Variants in SIVA1 observed in about 807,000 individuals in gnomAD.
SIVA1 encodes the protein apoptosis regulatory protein Siva.
In SIVA1, 10 loss-of-function variants were observed where a neutral mutation model predicts 19.7. That is an observed-to-expected ratio of 0.51 (90% CI 0.31 to 0.86). The LOEUF (loss-of-function observed/expected upper bound fraction) is 0.86. Ranked by LOEUF, SIVA1 falls within the 40% of genes least tolerant of loss-of-function variation. The probability of loss-of-function intolerance (pLI) is 0.04; values close to 1 mark genes in which losing one functional copy is unlikely to be tolerated. For missense variants in SIVA1, 241 were observed against 245.2 expected (o/e 0.98, Z 0.11); for synonymous variants, 130 against 106.1 (o/e 1.23, Z -1.39).
intron 3 of SIVA1, chr14:104,758,531 C>T (rs1462403875): frequency 6.7e-6 from 1 of 150,358 alleles, no homozygotes; most frequent in African/African-American, 2.5e-5. Context: ...GCTCTGTCAC[C>T]CAGGCTGGAG....
At chr14:104,755,493 A>G in intron 1 of SIVA1, 137 bp from the exon 2 acceptor site, 1 of 777,148 alleles carries the variant, frequency 1.3e-6, no homozygotes, top group Non-Finnish European at 2.2e-6. Flanking sequence ...AGGGCACAAC[A>G]CAGGCTGGGG....
chr14:104,759,461 C>T lies in SIVA1; in HGVS notation c.504C>T (p.Thr168=). The T allele has an allele frequency of 6.2e-7, 1 of 1,612,524 alleles. No homozygotes were observed. The highest frequency in any genetic ancestry group is 8.5e-7 in the Non-Finnish European group (1 of 1,179,902). ...CSDMYEKVLC[T]SCAMFET The stretch of plus-strand genomic sequence containing the variant: ...ACATGTACGAGAAAGTGCTGTGCAC[C>T]AGCTGTGCCATGTTCGAGACCTGAG... The change falls in exon 4 of 4, where the codon ACC becomes ACT. Residue 168 remains threonine (T), a synonymous_variant. Coordinates refer to ENST00000329967, the MANE Select transcript of SIVA1 (RefSeq NM_006427.4). The surrounding 1 kb of genome is among the most constrained non-coding windows in gnomAD (Gnocchi z 4.2).
intron 1 of SIVA1, 67 bp downstream of exon 1, chr14:104,753,386 C>T (rs1291428830): frequency 7.2e-5 from 79 of 1,102,492 alleles, no homozygotes; most frequent in South Asian, 7.3e-5. Flanking sequence ...GCCTCAGCGT[C>T]CCCTCTGAGG....
In SIVA1 at chr14:104,759,423, C is replaced by G. The variant is rs779844712; in HGVS notation, c.471-5C>G. ...TTTTCTCTCCCCTCCCTGACGCTGT[C>G]GCAGCTGCAGTGACATGTACGAGAA... On this transcript the variant is annotated splice_polypyrimidine_tract_variant and splice_region_variant and intron_variant, in intron 3 of 3. Coordinates refer to ENST00000329967, the MANE Select transcript of SIVA1 (RefSeq NM_006427.4). The surrounding 1 kb of genome is among the most constrained non-coding windows in gnomAD (Gnocchi z 4.2). 9.3e-6 allele frequency: 15 copies of G among 1,612,684 alleles called. No individual in the cohort carries two copies. Among genetic ancestry groups the G allele is most frequent in the African/African-American group, 1.3e-5 (1 of 74,872 alleles).
intron 1 of SIVA1, among the ~76,000 whole-genome samples, chr14:104,754,932 G>C (rs1891835175): frequency 6.6e-6 from 1 of 152,160 alleles, no homozygotes; most frequent in Non-Finnish European, 1.5e-5. Flanking sequence ...TTATGGTGAG[G>C]TGCAAAACAA....
intron 1 of SIVA1, 65 bp downstream of exon 1, chr14:104,753,384 GTCCCCT>G: frequency 8.7e-7 from 1 of 1,154,346 alleles, no homozygotes; most frequent in African/African-American, 1.6e-5. Flanking sequence ...GGGCCTCAGC[GTCCCCT>G]CTGAGGCCTG....
rs779728333 is a variant in SIVA1 at position 104,756,612 on chromosome 14, G to T, written c.322G>T (p.Gly108Trp). The T allele has an allele frequency of 6.2e-7, 1 of 1,614,168 alleles. No individual in the cohort carries two copies. Among genetic ancestry groups the T allele is most frequent in the South Asian group, 1.1e-5 (1 of 91,088 alleles). ...GCGTTTCTTCCTCACAGACCCATCT[G>T]GGGTAGCGTCCATTGCCTGTTCCTC... ...LGQASEADPS[G>W]VASIACSSCV... Residue 108 changes from glycine to tryptophan, a missense_variant, in exon 3 of 4, where the codon GGG (glycine) becomes TGG (tryptophan). Physicochemically the swap from Gly to Trp is radical, Grantham distance 184. Coordinates refer to ENST00000329967, the MANE Select transcript of SIVA1 (RefSeq NM_006427.4).
At position 104,756,708 on chromosome 14, in the gene SIVA1, C is replaced by T. The variant is rs1891902735; in HGVS notation, c.418C>T (p.Arg140Cys). The T allele has an allele frequency of 3.7e-6, 6 of 1,614,052 alleles. No individual in the cohort carries two copies. The highest frequency in any genetic ancestry group is 1.1e-5 in the South Asian group (1 of 91,072). ...CERALCGQCV[R>C]TCWGCGSVAC... ...GCGAGCCCTGTGCGGGCAGTGTGTG[C>T]GCACCTGCTGGGGCTGCGGCTCCGT... The change falls in exon 3 of 4, where the codon CGC (arginine) becomes TGC (cysteine). Residue 140 changes from arginine to cysteine, a missense_variant. Arg to Cys is a radical substitution (Grantham distance 180). Coordinates refer to ENST00000329967, the MANE Select transcript of SIVA1 (RefSeq NM_006427.4).
chr14:104,755,856 G>A lies in SIVA1; in HGVS notation c.313+32G>A, dbSNP rs766676378. Reference sequence around the variant, plus strand: ...GGCACCAGCAGCCCTTTGTGGCTGTGGCACTGAGGGCAGGTGGTGGCACGA... The same window carrying A: ...GGCACCAGCAGCCCTTTGTGGCTGTAGCACTGAGGGCAGGTGGTGGCACGA... On this transcript the variant is annotated intron_variant, in intron 2 of 3. Transcript: ENST00000329967. The A allele has an allele frequency of 5.0e-5, 79 of 1,590,844 alleles. No individual in the cohort carries two copies. The South Asian group carries it at 7.9e-4, about 16-fold the overall frequency.
rs1490238642 is a variant in SIVA1 at position 104,753,218 on chromosome 14, G to GC, written c.21dup (p.Phe8LeufsTer53). 1.3e-6 allele frequency: 2 copies of GC among 1,578,604 alleles called. No homozygotes were observed. The highest frequency in any genetic ancestry group is 2.7e-5 in the African/African-American group (2 of 72,846). On this transcript the variant is annotated frameshift_variant, in exon 1 of 4. Coordinates refer to ENST00000329967, the MANE Select transcript of SIVA1 (RefSeq NM_006427.4). LOFTEE classifies it high-confidence loss of function. ...CCCGCGGCCATGCCCAAGCGGAGCT[G>GC]CCCCTTCGCGGACGTGGCCCCGCTA...
In SIVA1 at chr14:104,755,652, C is replaced by G; in HGVS notation, c.141C>G (p.Phe47Leu). The change falls in exon 2 of 4, where the codon TTC (phenylalanine) becomes TTG (leucine). Residue 47 changes from phenylalanine to leucine, a missense_variant. Phe to Leu is a conservative substitution (Grantham distance 22). Transcript: ENST00000329967. ...CAGAGAAGACCAAGCGACTCCTGTT[C>G]CTCGGGGCCCAGGCCTACCTGGACC... is the stretch of plus-strand genomic sequence containing the variant. ...EVFEKTKRLL[F>L]LGAQAYLDHV... 5 of 1,613,036 alleles carry G rather than the reference C, an allele frequency of 3.1e-6. No individual in the cohort carries two copies. The highest frequency in any genetic ancestry group is 4.2e-6 in the Non-Finnish European group (5 of 1,179,818).
At position 104,753,252 on chromosome 14, in the gene SIVA1, G is replaced by A; in HGVS notation, c.51G>A (p.Lys17=). The A allele has an allele frequency of 1.9e-6, 3 of 1,598,572 alleles. No homozygotes were observed. The highest frequency in any genetic ancestry group is 2.6e-6 in the Non-Finnish European group (3 of 1,174,738). ...PFADVAPLQL[K]VRVSQRELSR... is the part of the protein sequence containing the mutation. ...CGGACGTGGCCCCGCTACAGCTCAA[G>A]GTCCGCGTGAGCCAGAGGGAGTTGA... Residue 17 remains lysine, a synonymous_variant, in exon 1 of 4, where the codon AAG becomes AAA. Transcript: ENST00000329967.
Position 104,759,556 on chromosome 14 carries a change from G to A in SIVA1, c.*71G>A, listed in dbSNP as rs943253471. The A allele has an allele frequency of 6.0e-6, 8 of 1,324,680 alleles. No individual in the cohort carries two copies. The East Asian group carries it at 7.0e-5, about 12-fold the overall frequency. The allele number at this position is 1,324,680 out of a possible 1,614,324, so 82.1% of individuals were successfully genotyped here. ...GGCAGCCTTCCCTGGACGAGCGCTC[G>A]GTGTTCACACTGAACTGTGGGGTCG... On this transcript the variant is annotated 3_prime_UTR_variant, in exon 4 of 4. Transcript: ENST00000329967. This position sits in a 1 kb window ranked among gnomAD's most constrained non-coding sequence, Gnocchi z 4.2.
rs1052601387 is a variant in SIVA1 at position 104,753,156 on chromosome 14, A to G, written c.-46A>G. 2 of 1,279,648 alleles carry G rather than the reference A, an allele frequency of 1.6e-6. No individual in the cohort carries two copies. The highest frequency in any genetic ancestry group is 2.0e-5 in the Admixed American group (1 of 50,254). The allele number at this position is 1,279,648 out of a possible 1,614,324, so 79.3% of individuals were successfully genotyped here. A position where few individuals can be genotyped will look rare whatever the true frequency, so the allele number is the denominator to read the frequency against. On this transcript the variant is annotated 5_prime_UTR_variant, in exon 1 of 4. Transcript: ENST00000329967. ...GCTGTGACGTCACGGCGTCGTTGGTAAGGGGCTGGCGGCCGGGGAGCTGCG... is the reference window on the plus strand; with the variant it reads ...GCTGTGACGTCACGGCGTCGTTGGTGAGGGGCTGGCGGCCGGGGAGCTGCG...
Position 104,753,230 on chromosome 14 carries a change from A to G in SIVA1, c.29A>G (p.Asp10Gly). 6.3e-7 allele frequency: 1 copy of G among 1,585,798 alleles called. No individual in the cohort carries two copies. The highest frequency in any genetic ancestry group is 8.6e-7 in the Non-Finnish European group (1 of 1,168,782). Residue 10 changes from aspartate (D) to glycine (G), a missense_variant, in exon 1 of 4, where the codon GAC (aspartate) becomes GGC (glycine). Asp to Gly is a moderately conservative substitution (Grantham distance 94). Transcript: ENST00000329967. MPKRSCPFA[D>G]VAPLQLKVRV... is the part of the protein sequence containing the mutation. ...CCCAAGCGGAGCTGCCCCTTCGCGG[A>G]CGTGGCCCCGCTACAGCTCAAGGTC...
chr14:104,756,863 GC>G lies in SIVA1; in HGVS notation c.470+107del, dbSNP rs1324023737. The G allele has an allele frequency of 3.3e-6, 4 of 1,198,898 alleles. No homozygotes were observed. The African/African-American group carries it at 6.2e-5, about 19-fold the overall frequency. The allele number at this position is 1,198,898 out of a possible 1,614,324, so 74.3% of individuals were successfully genotyped here. On this transcript the variant is annotated intron_variant, in intron 3 of 3. Transcript: ENST00000329967. The stretch of plus-strand genomic sequence containing the variant: ...TGTGGGCCCAGAACACACACGTGTG[GC>G]CCCTGATGCAGTGCCATCTGGCATT...
chr14:104,754,808 G>A (rs1432811502), intron 1 of SIVA1, among the ~76,000 whole-genome samples: 5 of 152,226 alleles, frequency 3.3e-5, no homozygotes, highest in Non-Finnish European at 5.9e-5. Flanking sequence ...GGAGGAAGGT[G>A]CAGGGTGTTG....
intron 1 of SIVA1, 86 bp downstream of exon 1, chr14:104,753,405 G>C: frequency 1.1e-6 from 1 of 873,450 alleles, no homozygotes; most frequent in East Asian, 2.9e-5. Context: ...GGCCTGAGCG[G>C]GGGGCTGGAG....
Position 104,759,430 on chromosome 14 carries a change from G to A in SIVA1, c.473G>A (p.Cys158Tyr). The change falls in exon 4 of 4, where the codon TGC (cysteine) becomes TAC (tyrosine). Residue 158 changes from cysteine to tyrosine, a missense_variant and splice_region_variant. Cys to Tyr is a radical substitution (Grantham distance 194). Coordinates refer to ENST00000329967, the MANE Select transcript of SIVA1 (RefSeq NM_006427.4). This position sits in a 1 kb window ranked among gnomAD's most constrained non-coding sequence, Gnocchi z 4.2. ...VACTLCGLVD[C>Y]SDMYEKVLCT... ...TCCCCTCCCTGACGCTGTCGCAGCT[G>A]CAGTGACATGTACGAGAAAGTGCTG... 6.2e-7 allele frequency: 1 copy of A among 1,613,258 alleles called. No individual in the cohort carries two copies. The highest frequency in any genetic ancestry group is 1.1e-5 in the South Asian group (1 of 91,032).
Sources: allele counts gnomAD v4.1 joint callset (sites outside exome capture counted in the v4.1 genomes callset), GRCh38; gene constraint gnomAD v4.1.1; non-coding constraint Gnocchi (gnomAD v3.1); transcripts MANE v1.5; gene names NCBI Gene and HGNC (gene_info 2026-07-23, HGNC 2026-07-21).